WIPI1: variants seen among roughly 807,000 people sequenced by gnomAD.
The protein encoded by WIPI1 is WD repeat domain phosphoinositide-interacting protein 1.
WIPI1 carries 45 observed loss-of-function variants against 55.3 expected under a neutral mutation model. The observed-to-expected ratio is 0.81, with a 90% CI of 0.64 to 1.04. WIPI1 has a LOEUF of 1.04. Among genes scored for constraint, WIPI1 ranks in the 50% least tolerant of loss-of-function variants. The probability of loss-of-function intolerance (pLI) is 0.00; values close to 1 mark genes in which losing one functional copy is unlikely to be tolerated. For missense variants in WIPI1, 445 were observed against 559.0 expected (o/e 0.80, Z 2.06); for synonymous variants, 195 against 217.6 (o/e 0.90, Z 0.92).
chr17:68,445,059 T>C (rs746410654), intron 3 of WIPI1, among the ~76,000 whole-genome samples: 1 of 151,916 alleles, frequency 6.6e-6, no homozygotes, highest in Non-Finnish European at 1.5e-5. Flanking sequence ...TAGCTGGGAT[T>C]ACATGCATGC....
chr17:68,437,874 G>C (rs1220180357), intron 4 of WIPI1, among the ~76,000 whole-genome samples: 1 of 140,974 alleles, frequency 7.1e-6, no homozygotes, highest in African/African-American at 2.7e-5. Flanking sequence ...CATGATAGCA[G>C]TGAATTCCAG....
At chr17:68,433,964 G>A (rs2083660129) in intron 7 of WIPI1, among the ~76,000 whole-genome samples, 1 of 151,828 alleles carries the variant, frequency 6.6e-6, no homozygotes, top group Non-Finnish European at 1.5e-5. Context: ...TGTATTTTTA[G>A]TAGAGACGGT....
At chr17:68,457,041 T>A (rs2084661145) in intron 1 of WIPI1, among the ~76,000 whole-genome samples, 1 of 152,112 alleles carries the variant, frequency 6.6e-6, no homozygotes, top group Non-Finnish European at 1.5e-5. Context: ...CCCACCGCCC[T>A]GCTCCCCCCA....
At chr17:68,426,260 A>T in intron 11 of WIPI1, 85 bp from the exon 12 acceptor site, 1 of 1,030,856 alleles carries the variant, frequency 9.7e-7, no homozygotes, top group Non-Finnish European at 1.5e-6. Context: ...GGGGGCTCAA[A>T]TAAAGGGCAA....
At chr17:68,436,508 G>A (rs1396417801) in intron 4 of WIPI1, 29 bp from the exon 5 acceptor site, 6 of 1,603,176 alleles carry the variant, frequency 3.7e-6, no homozygotes, top group East Asian at 2.2e-5. Flanking sequence ...AACATGAGAA[G>A]CCTGGGGCCA....
At chr17:68,441,755 G>T (rs184681887) in intron 4 of WIPI1, among the ~76,000 whole-genome samples, 233 of 152,300 alleles carry the variant, frequency 1.5e-3, no homozygotes, top group Middle Eastern at 6.8e-3. Context: ...AACTCTGGGG[G>T]CTAAAAATGA....
At chr17:68,426,683 C>T (rs2083217010) in intron 11 of WIPI1, among the ~76,000 whole-genome samples, 1 of 152,142 alleles carries the variant, frequency 6.6e-6, no homozygotes, top group Admixed American at 6.5e-5. Flanking sequence ...CAAGTGTGTG[C>T]CAACATGCCC....
In WIPI1 at chr17:68,426,022, T is replaced by G. The variant is rs751140968; in HGVS notation, c.1293+53A>C. ...TCTGCCTCTCGTATGAGGCGAAGGT[T>G]TCCTTCTAAGCACACAGACTGAGCC... On this transcript the variant is annotated intron_variant, in intron 12 of 12. Coordinates refer to ENST00000262139, the MANE Select transcript of WIPI1 (RefSeq NM_017983.7). 2.7e-6 allele frequency: 4 copies of G among 1,472,138 alleles called. No homozygotes were observed. In the African/African-American group the frequency reaches 4.2e-5, roughly 15 times the overall value. 91.2% of individuals were successfully genotyped at this position (1,472,138 alleles called of 1,614,324 possible).
At chr17:68,437,026 G>GTGTGTGTGTA (rs1396031840) in intron 4 of WIPI1, among the ~76,000 whole-genome samples, 2 of 148,186 alleles carry the variant, frequency 1.3e-5, no homozygotes, top group African/African-American at 2.5e-5. Flanking sequence ...ATGTGTGTGT[G>GTGTGTGTGTA]TGTGTGTGTG....
Position 68,436,451 on chromosome 17 carries a change from G to A in WIPI1, c.459C>T (p.Ser153=), listed in dbSNP as rs1017150350. 4 of 1,613,840 alleles carry A rather than the reference G, an allele frequency of 2.5e-6. No homozygotes were observed. The African/African-American group carries it at 5.3e-5, about 22-fold the overall frequency. The change falls in exon 5 of 13, where the codon TCC becomes TCT. Residue 153 remains serine, a synonymous_variant. Transcript: ENST00000262139. ...TTCCAGGATAGGCCAGGTAAGAATT[G>A]GAATGGTTGATAGAGAGAGCACATA... is the stretch of plus-strand genomic sequence containing the variant. The part of the protein sequence containing the change: ...TGLCALSINH[S]NSYLAYPGSL...
At chr17:68,447,709 G>A (rs1008895593) in intron 3 of WIPI1, among the ~76,000 whole-genome samples, 3 of 152,060 alleles carry the variant, frequency 2.0e-5, no homozygotes, top group Admixed American at 6.6e-5. Context: ...AAAGGGATTT[G>A]GGGCCAGGTG....
chr17:68,435,712 TC>T lies in WIPI1; in HGVS notation c.529-1del. ...TGGGCAGCAATAGTGCAGACTGTTT[TC>T]TGTTGGTGAAAAGGAAAAATGGATA... On this transcript the variant is annotated splice_acceptor_variant, in intron 5 of 12. Transcript: ENST00000262139. LOFTEE classifies it high-confidence loss of function. 4 of 1,614,174 alleles carry T rather than the reference TC, an allele frequency of 2.5e-6. No individual in the cohort carries two copies. Among genetic ancestry groups the T allele is most frequent in the Non-Finnish European group, 3.4e-6 (4 of 1,180,008 alleles).
At chr17:68,428,667 C>T in intron 10 of WIPI1, 162 bp downstream of exon 10, 1 of 592,790 alleles carries the variant, frequency 1.7e-6, no homozygotes, top group Non-Finnish European at 3.0e-6. Flanking sequence ...GCACCTGACA[C>T]AGAGCCCGGT....
Position 68,430,073 on chromosome 17 carries a change from G to A in WIPI1, c.888C>T (p.Asp296=). ...ATNYLPTQVS[D]MMHQDRAFAT... ...CAAAAGCCCTGTCCTGATGCATCAT[G>A]TCTGACACCTGGGTAGGGAGGTAGT... Residue 296 remains aspartate, a synonymous_variant, in exon 9 of 13, where the codon GAC becomes GAT. Coordinates refer to ENST00000262139, the MANE Select transcript of WIPI1 (RefSeq NM_017983.7). 1 of 1,614,212 alleles carries A rather than the reference G, an allele frequency of 6.2e-7. No homozygotes were observed. Among genetic ancestry groups the A allele is most frequent in the Non-Finnish European group, 8.5e-7 (1 of 1,180,050 alleles).
chr17:68,430,522 T>C (rs923457231), intron 8 of WIPI1, among the ~76,000 whole-genome samples: 5 of 152,116 alleles, frequency 3.3e-5, no homozygotes, highest in African/African-American at 1.2e-4. Flanking sequence ...TAAATAAGCT[T>C]GGGACTGTGC....
intron 3 of WIPI1, among the ~76,000 whole-genome samples, chr17:68,445,403 C>A (rs577756619): frequency 1.4e-4 from 21 of 152,190 alleles, no homozygotes; most frequent in Non-Finnish European, 2.9e-4. Context: ...TTACCCCTCT[C>A]TGAATAATTA....
At chr17:68,448,061 CT>C (rs1246254734) in intron 3 of WIPI1, among the ~76,000 whole-genome samples, 1 of 151,186 alleles carries the variant, frequency 6.6e-6, no homozygotes, top group Non-Finnish European at 1.5e-5. Context: ...TAACTTTTTC[CT>C]GTTTTTCAAA....
chr17:68,456,391 C>T (rs1444586935), intron 1 of WIPI1, among the ~76,000 whole-genome samples: 1 of 152,182 alleles, frequency 6.6e-6, no homozygotes, highest in African/African-American at 2.4e-5. Flanking sequence ...GAAACTGGTA[C>T]AGCAGGAAGT....
intron 3 of WIPI1, among the ~76,000 whole-genome samples, chr17:68,449,941 A>G (rs2084433060): frequency 6.6e-6 from 1 of 152,110 alleles, no homozygotes; most frequent in African/African-American, 2.4e-5. Flanking sequence ...AGCCTGGGAG[A>G]TGGAGGCTGC....
Sources: gnomAD v4.1 joint callset for allele counts (sites outside exome capture counted in the v4.1 genomes callset) on GRCh38, gnomAD v4.1.1 for gene constraint, MANE v1.5 for transcripts, NCBI Gene and HGNC (gene_info 2026-07-23, HGNC 2026-07-21) for gene names.